SLC24A2: variants seen among roughly 807,000 people sequenced by gnomAD.
The protein encoded by SLC24A2 is sodium/potassium/calcium exchanger 2.
SLC24A2 carries 36 observed loss-of-function variants against 62.0 expected under a neutral mutation model. The ratio of observed to expected loss-of-function variants is 0.58; its 90% CI spans 0.44 to 0.77. The LOEUF is 0.77. Among genes scored for constraint, SLC24A2 ranks in the 30% least tolerant of loss-of-function variants. The pLI is 0.00. For synonymous variants in SLC24A2, 358 were observed against 294.0 expected, an observed-to-expected ratio of 1.22 and a Z score of -2.23; for missense variants, 846 against 817.9, an observed-to-expected ratio of 1.03 and a Z score of -0.42.
chr9:20,209,615 T>C, the SLC24A2 span, among the ~76,000 whole-genome samples: 2 of 152,248 alleles, frequency 1.3e-5, no homozygotes, highest in East Asian at 1.9e-4. Flanking sequence ...ACCTGAGAGC[T>C]TTCACAAGTC....
At chr9:20,298,419 G>A in the SLC24A2 span, among the ~76,000 whole-genome samples, 1 of 152,100 alleles carries the variant, frequency 6.6e-6, no homozygotes, top group East Asian at 1.9e-4. Context: ...AGTAGAGACG[G>A]GGTTTCATCA....
the SLC24A2 span, among the ~76,000 whole-genome samples, chr9:20,125,747 G>C: frequency 1.8e-4 from 28 of 152,278 alleles, no homozygotes; most frequent in African/African-American, 5.8e-4. Flanking sequence ...CTCAAGTTCT[G>C]ACTGTGGAAA....
intron 2 of SLC24A2, among the ~76,000 whole-genome samples, chr9:19,700,280 G>T (rs1772721793): frequency 6.6e-6 from 1 of 152,054 alleles, no homozygotes; most frequent in South Asian, 2.1e-4. Flanking sequence ...AGGTGGATGT[G>T]AACTAAACAC....
At chr9:20,277,093 T>G in the SLC24A2 span, among the ~76,000 whole-genome samples, 1 of 152,228 alleles carries the variant, frequency 6.6e-6, no homozygotes. Flanking sequence ...GCCGCCAGCT[T>G]GAATTTCTCC....
chr9:20,306,858 G>A, the SLC24A2 span, among the ~76,000 whole-genome samples: 1 of 151,900 alleles, frequency 6.6e-6, no homozygotes, highest in African/African-American at 2.4e-5. Context: ...CACTTCACCT[G>A]GCTAATTTTT....
chr9:19,867,179 C>G, the SLC24A2 span, among the ~76,000 whole-genome samples: 4 of 151,776 alleles, frequency 2.6e-5, no homozygotes, highest in African/African-American at 9.7e-5. Flanking sequence ...CTCATATGCC[C>G]CATAAATATA....
chr9:19,694,141 A>G (rs1820119497), intron 2 of SLC24A2, among the ~76,000 whole-genome samples: 1 of 152,184 alleles, frequency 6.6e-6, no homozygotes, highest in Non-Finnish European at 1.5e-5. Context: ...CTAAATAAAC[A>G]TGCTTTTAAA....
the SLC24A2 span, among the ~76,000 whole-genome samples, chr9:20,220,237 G>A: frequency 6.6e-6 from 1 of 152,016 alleles, no homozygotes; most frequent in Non-Finnish European, 1.5e-5. Context: ...ATAGAGAAAT[G>A]GAAGTCATTC....
At chr9:20,303,084 T>A in the SLC24A2 span, among the ~76,000 whole-genome samples, 1 of 152,196 alleles carries the variant, frequency 6.6e-6, no homozygotes, top group African/African-American at 2.4e-5. Context: ...ATCACACTTT[T>A]AAAAATATTT....
At chr9:19,753,595 T>C (rs1219395807) in intron 2 of SLC24A2, among the ~76,000 whole-genome samples, 1 of 152,222 alleles carries the variant, frequency 6.6e-6, no homozygotes, top group African/African-American at 2.4e-5. Flanking sequence ...CTGTGAGCAG[T>C]AGTATCTGAA....
intron 5 of SLC24A2, 36 bp from the exon 6 acceptor site, chr9:19,577,058 T>A (rs1586987369): frequency 6.4e-7 from 1 of 1,562,578 alleles, no homozygotes; most frequent in East Asian, 2.2e-5. Flanking sequence ...GGAGACACAA[T>A]GAGAAAGAAG....
chr9:19,679,138 T>A (rs930598429), intron 2 of SLC24A2, among the ~76,000 whole-genome samples: 1 of 152,166 alleles, frequency 6.6e-6, no homozygotes, highest in Non-Finnish European at 1.5e-5. Flanking sequence ...CGAGTTTGCA[T>A]TATTATAGGC....
the SLC24A2 span, among the ~76,000 whole-genome samples, chr9:19,968,251 G>C: frequency 6.6e-6 from 1 of 152,070 alleles, no homozygotes; most frequent in African/African-American, 2.4e-5. Flanking sequence ...GAGCCCACAG[G>C]GACCCACATG....
the SLC24A2 span, among the ~76,000 whole-genome samples, chr9:19,965,970 A>G: frequency 6.6e-6 from 1 of 152,258 alleles, no homozygotes; most frequent in East Asian, 1.9e-4. Flanking sequence ...TGTGGTAATT[A>G]TTTTACATGA....
At chr9:19,981,796 A>T in the SLC24A2 span, among the ~76,000 whole-genome samples, 4 of 152,136 alleles carry the variant, frequency 2.6e-5, no homozygotes, top group Non-Finnish European at 5.9e-5. Context: ...TGGCAATCCA[A>T]CTGAACAGAA....
chr9:19,980,591 A>G, the SLC24A2 span, among the ~76,000 whole-genome samples: 1 of 152,192 alleles, frequency 6.6e-6, no homozygotes, highest in Non-Finnish European at 1.5e-5. Context: ...AGGAATAGAG[A>G]GAATGTTTAA....
intron 2 of SLC24A2, among the ~76,000 whole-genome samples, chr9:19,680,300 G>A (rs993946691): frequency 6.6e-6 from 1 of 152,114 alleles, no homozygotes; most frequent in Admixed American, 6.6e-5. Context: ...GGCACTTCAG[G>A]TAGAACTCAC....
chr9:20,231,315 TA>T, the SLC24A2 span, among the ~76,000 whole-genome samples: 14 of 152,228 alleles, frequency 9.2e-5, no homozygotes, highest in African/African-American at 1.4e-4. Context: ...ATCTATAAAT[TA>T]TCTTGGGCAG....
chr9:20,284,336 G>A, the SLC24A2 span, among the ~76,000 whole-genome samples: 1 of 151,746 alleles, frequency 6.6e-6, no homozygotes, highest in African/African-American at 2.4e-5. Flanking sequence ...GGAGTGCAGT[G>A]GTGTGATCAT....
Sources: allele counts gnomAD v4.1 joint callset (sites outside exome capture counted in the v4.1 genomes callset), GRCh38; gene constraint gnomAD v4.1.1; transcripts MANE v1.5; gene names NCBI Gene and HGNC (gene_info 2026-07-23, HGNC 2026-07-21).